Variants in AGTPBP1 observed in about 807,000 individuals in gnomAD.
AGTPBP1 encodes cytosolic carboxypeptidase 1.
AGTPBP1 carries 70 observed loss-of-function variants against 143.9 expected under a neutral mutation model. The ratio of observed to expected loss-of-function variants is 0.49; its 90% CI spans 0.40 to 0.59. The LOEUF is 0.59. Ranked by LOEUF, AGTPBP1 falls within the 20% of genes least tolerant of loss-of-function variation. The probability of loss-of-function intolerance (pLI) is 0.00; values close to 1 mark genes in which losing one functional copy is unlikely to be tolerated. For missense variants in AGTPBP1, 1,229 were observed against 1,464.5 expected (o/e 0.84, Z 2.62); for synonymous variants, 463 against 500.2 (o/e 0.93, Z 0.99).
intron 11 of AGTPBP1, among the ~76,000 whole-genome samples, chr9:85,651,329 AT>A (rs1833150422): frequency 6.6e-6 from 1 of 152,176 alleles, no homozygotes; most frequent in Non-Finnish European, 1.5e-5. Flanking sequence ...TTACCTTTAC[AT>A]TTGGCGAATA....
intron 14 of AGTPBP1, among the ~76,000 whole-genome samples, chr9:85,623,285 T>TAA (rs562025281): frequency 2.4e-4 from 35 of 147,386 alleles, no homozygotes; most frequent in African/African-American, 8.2e-4. Flanking sequence ...GCAATTGGTT[T>TAA]AAAAAAAAAA....
chr9:85,631,287 T>A (rs993546490), intron 14 of AGTPBP1, among the ~76,000 whole-genome samples: 20 of 152,228 alleles, frequency 1.3e-4, no homozygotes, highest in African/African-American at 4.8e-4. Context: ...GCCACTTCTG[T>A]TCCCACCTCC....
intron 1 of AGTPBP1, among the ~76,000 whole-genome samples, chr9:85,728,187 T>C (rs926595170): frequency 6.6e-6 from 1 of 152,136 alleles, no homozygotes; most frequent in Non-Finnish European, 1.5e-5. Flanking sequence ...AATGTTTATC[T>C]GCAAATCTCA....
chr9:85,644,738 A>C (rs1027619265), intron 12 of AGTPBP1, among the ~76,000 whole-genome samples: 1 of 152,122 alleles, frequency 6.6e-6, no homozygotes, highest in South Asian at 2.1e-4. Flanking sequence ...AAAATCTGGG[A>C]CAAAGAAAAT....
chr9:85,735,889 C>T, intron 1 of AGTPBP1, among the ~76,000 whole-genome samples: 1 of 152,108 alleles, frequency 6.6e-6, no homozygotes, highest in Admixed American at 6.5e-5. Flanking sequence ...TAACCAATAT[C>T]CTTATAATCT....
At chr9:85,574,088 A>T in intron 25 of AGTPBP1, among the ~76,000 whole-genome samples, 1 of 152,226 alleles carries the variant, frequency 6.6e-6, no homozygotes, top group East Asian at 1.9e-4. Flanking sequence ...GTGTAGAAAG[A>T]AGTAGACATG....
chr9:85,778,060 G>A, the AGTPBP1 span, among the ~76,000 whole-genome samples: 1 of 152,204 alleles, frequency 6.6e-6, no homozygotes, highest in African/African-American at 2.4e-5. Flanking sequence ...ATCGGTGCAG[G>A]CTGGAGGAGA....
the AGTPBP1 span, among the ~76,000 whole-genome samples, chr9:85,800,807 TTGTGTGTG>T: frequency 2.3e-3 from 334 of 144,676 alleles, 1 homozygote; most frequent in Middle Eastern, 0.01. Flanking sequence ...TTTAGAATGG[TTGTGTGTG>T]TGTGTGTGTG....
At chr9:85,803,386 T>A in the AGTPBP1 span, among the ~76,000 whole-genome samples, 2 of 152,190 alleles carry the variant, frequency 1.3e-5, no homozygotes, top group South Asian at 2.1e-4. Flanking sequence ...TGCATTACCC[T>A]ATTCTCCTCC....
chr9:85,746,452 C>G (rs888810322), upstream of AGTPBP1, among the ~76,000 whole-genome samples: 1 of 152,042 alleles, frequency 6.6e-6, no homozygotes, highest in Non-Finnish European at 1.5e-5. Flanking sequence ...TGAGACCCCC[C>G]ACATCTCTAC....
chr9:85,581,440 A>G (rs1286562747), intron 23 of AGTPBP1, among the ~76,000 whole-genome samples: 2 of 152,230 alleles, frequency 1.3e-5, no homozygotes, highest in African/African-American at 2.4e-5. Flanking sequence ...GAAAATTCAT[A>G]TGAAGGCTAT....
At chr9:85,723,158 T>C (rs757792371) in intron 1 of AGTPBP1, among the ~76,000 whole-genome samples, 5 of 152,174 alleles carry the variant, frequency 3.3e-5, no homozygotes, top group Non-Finnish European at 5.9e-5. Flanking sequence ...AGGCAGTCTG[T>C]CCGTTCTCAG....
intron 14 of AGTPBP1, among the ~76,000 whole-genome samples, chr9:85,625,872 G>T (rs1346277454): frequency 1.4e-5 from 2 of 146,522 alleles, no homozygotes; most frequent in Non-Finnish European, 3.0e-5. Flanking sequence ...GTGACACAGC[G>T]AGACCCTGTC....
intron 1 of AGTPBP1, among the ~76,000 whole-genome samples, chr9:85,732,383 T>G (rs189758893): frequency 1.3e-5 from 2 of 151,976 alleles, no homozygotes; most frequent in Admixed American, 1.3e-4. Flanking sequence ...CTCGGCTAAT[T>G]TTTTGTATTT....
chr9:85,653,776 C>G (rs969628226), intron 11 of AGTPBP1, among the ~76,000 whole-genome samples: 29 of 152,350 alleles, frequency 1.9e-4, no homozygotes, highest in Admixed American at 1.4e-3. Context: ...TCCACCACAT[C>G]TCTTGAATGT....
intron 1 of AGTPBP1, among the ~76,000 whole-genome samples, chr9:85,728,028 T>TAC (rs879929594): frequency 1.1e-3 from 137 of 120,898 alleles, no homozygotes; most frequent in South Asian, 3.1e-3. Context: ...TATATATTTA[T>TAC]ATACACACAC....
At chr9:85,759,859 G>A in the AGTPBP1 span, among the ~76,000 whole-genome samples, 1 of 152,082 alleles carries the variant, frequency 6.6e-6, no homozygotes, top group African/African-American at 2.4e-5. Flanking sequence ...CAACAAAACT[G>A]ACAGACCGCT....
the AGTPBP1 span, among the ~76,000 whole-genome samples, chr9:85,766,699 T>C: frequency 1.4e-4 from 21 of 152,212 alleles, no homozygotes; most frequent in East Asian, 3.7e-3. Context: ...TGGTTCTTCT[T>C]AGTGTACCTC....
chr9:85,689,960 A>G (rs1564147998), intron 3 of AGTPBP1, among the ~76,000 whole-genome samples: 2 of 146,080 alleles, frequency 1.4e-5, no homozygotes, highest in Non-Finnish European at 1.5e-5. Context: ...TAAAGTAAAA[A>G]TAAAATACCA....
Sources: gnomAD v4.1 joint callset for allele counts (sites outside exome capture counted in the v4.1 genomes callset) on GRCh38, gnomAD v4.1.1 for gene constraint, MANE v1.5 for transcripts, NCBI Gene and HGNC (gene_info 2026-07-23, HGNC 2026-07-21) for gene names.